CDH26: variants seen among roughly 807,000 people sequenced by gnomAD.
The protein encoded by CDH26 is cadherin-like protein 26.
In CDH26, 83 loss-of-function variants were observed where a neutral mutation model predicts 90.3. That is an observed-to-expected ratio of 0.92 (90% CI 0.77 to 1.10). The LOEUF (loss-of-function observed/expected upper bound fraction) is 1.10, where lower values mean the gene tolerates loss of function less well. Ranked by LOEUF, CDH26 falls within the 50% of genes least tolerant of loss-of-function variation. The probability of loss-of-function intolerance (pLI) is 0.00; values close to 1 mark genes in which losing one functional copy is unlikely to be tolerated. For missense variants in CDH26, 1,013 were observed against 1,037.6 expected (o/e 0.98, Z 0.33); for synonymous variants, 397 against 396.3 (o/e 1.00, Z -0.02).
intron 7 of CDH26, among the ~76,000 whole-genome samples, chr20:60,028,350 A>G (rs1034428876): frequency 6.6e-6 from 1 of 152,248 alleles, no homozygotes; most frequent in Non-Finnish European, 1.5e-5. Flanking sequence ...CCACGTTTTT[A>G]AAAGCCTGTC....
At chr20:59,971,868 A>T in intron 3 of CDH26, 94 bp from the exon 4 acceptor site, 1 of 1,010,008 alleles carries the variant, frequency 9.9e-7, no homozygotes, top group South Asian at 1.8e-5. Context: ...ATAATTTCTT[A>T]AAGATGCCAT....
intron 8 of CDH26, chr20:60,033,351 G>A (rs374428765): frequency 8.5e-7 from 1 of 1,170,322 alleles, no homozygotes. Context: ...CCTCCTTCGT[G>A]TACACAGGCT....
At chr20:59,985,203 C>G in intron 7 of CDH26, 74 bp downstream of exon 7, 1 of 1,563,346 alleles carries the variant, frequency 6.4e-7, no homozygotes, top group Non-Finnish European at 8.7e-7. Flanking sequence ...CAGTTTTTCT[C>G]AGAGAGGGTG....
intron 4 of CDH26, among the ~76,000 whole-genome samples, chr20:59,979,493 A>G (rs1206141384): frequency 6.6e-6 from 1 of 151,396 alleles, no homozygotes; most frequent in African/African-American, 2.4e-5. Context: ...CGCCGTGCCC[A>G]GCCGAGTTTG....
chr20:60,027,227 C>T (rs1296858916), intron 7 of CDH26, among the ~76,000 whole-genome samples: 1 of 152,086 alleles, frequency 6.6e-6, no homozygotes, highest in Non-Finnish European at 1.5e-5. Flanking sequence ...GTATATGGCT[C>T]AGGTGAAAAA....
chr20:60,027,522 G>A lies in CDH26; in HGVS notation c.948-3709G>A, dbSNP rs149884967. On this transcript the variant is annotated intron_variant, in intron 7 of 8. Coordinates refer to the CDH26 transcript ENST00000370991. ...GTTTCAAAGTAAGTTGCAGACATCA[G>A]TATACTTTACCCCTAAATACTTTGC... 8.6e-5 allele frequency among the ~76,000 whole-genome samples: 13 copies of A among 151,964 alleles called. No individual in the cohort carries two copies. In the East Asian group the frequency reaches 2.1e-3, roughly 25 times the overall value.
At chr20:60,031,567 A>G in intron 8 of CDH26, 1 of 950,106 alleles carries the variant, frequency 1.1e-6, no homozygotes, top group Non-Finnish European at 1.3e-6. Context: ...GTTTCTTCAG[A>G]TGAAAGGAGT....
chr20:59,980,319 A>T (rs2061379884), intron 4 of CDH26, among the ~76,000 whole-genome samples: 1 of 146,128 alleles, frequency 6.8e-6, no homozygotes, highest in African/African-American at 2.6e-5. Context: ...TTTGAGATGG[A>T]GTTTCTTTCT....
Position 59,985,130 on chromosome 20 carries a change from G to A in CDH26, c.837+1G>A, listed in dbSNP as rs549992515. On this transcript the variant is annotated splice_donor_variant, in intron 7 of 17. Coordinates refer to ENST00000348616, the MANE Select transcript of CDH26 (RefSeq NM_177980.4). LOFTEE classifies it high-confidence loss of function. ...CAGGCCTGCATTTACCCAGGAGAAC[G>A]TGAGGCTCCTGGGCCGCCCCAACGT... 48 of 1,612,394 alleles carry A rather than the reference G, an allele frequency of 3.0e-5. No homozygotes were observed. In the South Asian group the frequency reaches 3.3e-4, roughly 11 times the overall value.
rs535240528 is a variant in CDH26 at position 60,033,517 on chromosome 20, G to C, written c.1176G>C (p.Arg392Ser). The change falls in exon 9 of 9, where the codon AGG (arginine) becomes AGC (serine). Residue 392 changes from arginine (R) to serine (S), a missense_variant. By Grantham distance (110) the Arg-to-Ser change is moderately radical (BLOSUM62 -1). Transcript: ENST00000370991. ...AGAACAAGGCTGGGAGAAAGCAAAG[G>C]AGCCACTTGTTTAAGGTTATGCAGC... The C allele has an allele frequency of 3.8e-6, 5 of 1,304,318 alleles. No homozygotes were observed. The Admixed American group carries it at 1.1e-4, about 30-fold the overall frequency. 80.8% of individuals were successfully genotyped at this position (1,304,318 alleles called of 1,614,324 possible).
At chr20:59,975,018 T>C (rs963619211) in intron 4 of CDH26, among the ~76,000 whole-genome samples, 1 of 152,026 alleles carries the variant, frequency 6.6e-6, no homozygotes, top group African/African-American at 2.4e-5. Flanking sequence ...CCTCACATAA[T>C]AGGTTCTCCC....
Position 59,992,300 on chromosome 20 carries a change from TG to T in CDH26, c.1284-77del, listed in dbSNP as rs2061536414. On this transcript the variant is annotated intron_variant, in intron 9 of 17. Transcript: ENST00000348616. This position sits in a 1 kb window ranked among gnomAD's most constrained non-coding sequence, Gnocchi z 5.0. The stretch of plus-strand genomic sequence containing the variant: ...GAAATAGTGTTTCTATGACATATTT[TG>T]TTTTTTTATGCAACTTTTTTATCTT... The T allele has an allele frequency of 2.2e-6, 3 of 1,354,908 alleles. No individual in the cohort carries two copies. The highest frequency in any genetic ancestry group is 2.3e-5 in the Admixed American group (1 of 43,322). The allele number at this position is 1,354,908 out of a possible 1,614,324, so 83.9% of individuals were successfully genotyped here.
At chr20:60,020,984 C>T (rs79630081) in intron 7 of CDH26, among the ~76,000 whole-genome samples, 2,412 of 152,290 alleles carry the variant, frequency 0.016, 32 homozygotes, top group Middle Eastern at 0.054. Context: ...AGATGGGGTG[C>T]AGATGCACGG....
At chr20:59,965,700 G>T (rs998683941) in intron 1 of CDH26, among the ~76,000 whole-genome samples, 3 of 152,166 alleles carry the variant, frequency 2.0e-5, no homozygotes, top group Non-Finnish European at 4.4e-5. Context: ...TAATAACCTG[G>T]AACAGATAAT....
intron 7 of CDH26, among the ~76,000 whole-genome samples, chr20:60,029,535 G>A (rs1030740680): frequency 1.3e-5 from 2 of 152,172 alleles, no homozygotes; most frequent in Non-Finnish European, 2.9e-5. Context: ...TGTTACATAG[G>A]TATACATATG....
At chr20:59,960,575 A>C (rs1451259496) in intron 1 of CDH26, among the ~76,000 whole-genome samples, 1 of 152,250 alleles carries the variant, frequency 6.6e-6, no homozygotes, top group East Asian at 1.9e-4. Context: ...ACTTTTTCGA[A>C]GAAATCTTCC....
downstream of CDH26, among the ~76,000 whole-genome samples, chr20:60,019,343 T>A (rs983036402): frequency 6.6e-6 from 1 of 152,224 alleles, no homozygotes; most frequent in Non-Finnish European, 1.5e-5. Flanking sequence ...GGAACACTCA[T>A]AATGTGAATA....
intron 7 of CDH26, among the ~76,000 whole-genome samples, chr20:60,027,463 C>T (rs1356127904): frequency 1.3e-5 from 2 of 151,986 alleles, no homozygotes; most frequent in Admixed American, 6.6e-5. Context: ...CCTCTATATC[C>T]TCTTTCTTCT....
At chr20:60,012,318 C>G (rs1002774682) in intron 17 of CDH26, among the ~76,000 whole-genome samples, 35 of 152,102 alleles carry the variant, frequency 2.3e-4, no homozygotes, top group Non-Finnish European at 1.5e-4. Context: ...ACCACTGTGT[C>G]ACAGTTCCCT....
Sources: gnomAD v4.1 joint callset for allele counts (sites outside exome capture counted in the v4.1 genomes callset) on GRCh38, gnomAD v4.1.1 for gene constraint, Gnocchi (gnomAD v3.1) non-coding constraint, MANE v1.5 for transcripts, NCBI Gene and HGNC (gene_info 2026-07-23, HGNC 2026-07-21) for gene names.